Variants in MSH3 observed in about 807,000 individuals in gnomAD.
MSH3 encodes the protein DNA mismatch repair protein Msh3.
In MSH3, 106 loss-of-function variants were observed where a neutral mutation model predicts 123.3. The observed-to-expected ratio is 0.86, with a 90% CI of 0.73 to 1.01. MSH3 has a LOEUF of 1.01. Among genes scored for constraint, MSH3 ranks in the 50% least tolerant of loss-of-function variants. MSH3 has a pLI of 0.00. For synonymous variants in MSH3, 515 were observed against 481.4 expected (o/e 1.07, Z -0.91); for missense variants, 1,459 against 1,347.6 (o/e 1.08, Z -1.29).
In MSH3 at chr5:80,780,858, A is replaced by G. The variant is rs6877470; in HGVS notation, c.2435+2022A>G. Among the ~76,000 whole-genome samples, 945 of 152,030 alleles carry G rather than the reference A, an allele frequency of 6.2e-3. 8 individuals are homozygous for G. The highest frequency in any genetic ancestry group is 0.022 in the African/African-American group (910 of 41,472). On this transcript the variant is annotated intron_variant, in intron 17 of 23. Transcript: ENST00000265081. ...ACTCCAGCCTGGGCAACAGAGCGTG[A>G]CTGTCTCAAATAAATAAATAAAACC...
chr5:80,765,493 C>T (rs1372635627), intron 13 of MSH3, among the ~76,000 whole-genome samples: 1 of 152,102 alleles, frequency 6.6e-6, no homozygotes, highest in Non-Finnish European at 1.5e-5. Flanking sequence ...GCATAATTCA[C>T]CCTTTGTGGT....
chr5:80,785,157 T>G (rs992997606), intron 17 of MSH3, among the ~76,000 whole-genome samples: 5 of 152,208 alleles, frequency 3.3e-5, no homozygotes, highest in African/African-American at 1.2e-4. Flanking sequence ...TCAACATTTC[T>G]GAAACCCACA....
intron 8 of MSH3, among the ~76,000 whole-genome samples, chr5:80,683,999 T>C (rs781557704): frequency 1.3e-5 from 2 of 152,182 alleles, no homozygotes; most frequent in Admixed American, 6.5e-5. Context: ...ACTGTAGATG[T>C]ATGGATTTAT....
intron 17 of MSH3, among the ~76,000 whole-genome samples, chr5:80,784,312 C>T (rs1744466139): frequency 6.6e-6 from 1 of 151,052 alleles, no homozygotes; most frequent in Non-Finnish European, 1.5e-5. Context: ...TGGGCACCCA[C>T]TCGGGTTTAG....
intron 8 of MSH3, among the ~76,000 whole-genome samples, chr5:80,718,295 A>G (rs1041066010): frequency 6.6e-6 from 1 of 152,168 alleles, no homozygotes; most frequent in Non-Finnish European, 1.5e-5. Context: ...TAAAATTTAT[A>G]TTTTTAGAGA....
chr5:80,716,539 A>G (rs999967933), intron 8 of MSH3, among the ~76,000 whole-genome samples: 1 of 152,034 alleles, frequency 6.6e-6, no homozygotes, highest in Non-Finnish European at 1.5e-5. Flanking sequence ...AGCTGTGATT[A>G]CGGGTGTGAG....
rs183774059 is a variant in MSH3, at chr5:80,686,262, A to G, written c.1340+7169A>G. Among the ~76,000 whole-genome samples, 517 of 152,214 alleles carry G rather than the reference A, an allele frequency of 3.4e-3. 1 individual carries two copies. Among genetic ancestry groups the G allele is most frequent in the Middle Eastern group, 6.8e-3 (2 of 294 alleles). ...ATTTTCTGTCTGGAAGATCTGTCCA[A>G]TGATGAAAGTGGGGTGTTGAAGTAT... On this transcript the variant is annotated intron_variant, in intron 8 of 23. Coordinates refer to ENST00000265081, the MANE Select transcript of MSH3 (RefSeq NM_002439.5).
At chr5:80,757,014 C>T (rs1012933962) in intron 12 of MSH3, among the ~76,000 whole-genome samples, 9 of 152,060 alleles carry the variant, frequency 5.9e-5, no homozygotes, top group Non-Finnish European at 8.8e-5. Flanking sequence ...TTCAGTAAAA[C>T]GAAACCAAAC....
At chr5:80,674,239 A>G (rs1749785265) in intron 6 of MSH3, among the ~76,000 whole-genome samples, 1 of 152,120 alleles carries the variant, frequency 6.6e-6, no homozygotes, top group African/African-American at 2.4e-5. Context: ...TGATGTCCAA[A>G]GATATGTCCA....
At position 80,678,950 on chromosome 5, in the gene MSH3, G is replaced by A; in HGVS notation, c.1197G>A (p.Glu399=). 2 of 1,614,134 alleles carry A rather than the reference G, an allele frequency of 1.2e-6. No individual in the cohort carries two copies. The highest frequency in any genetic ancestry group is 4.5e-5 in the East Asian group (2 of 44,878). Residue 399 remains glutamate, a synonymous_variant, in exon 8 of 24, where the codon GAG becomes GAA. Transcript: ENST00000265081. The part of the protein sequence containing the change: ...GIVGVQPATG[E]VVFDSFQDSA... ...AGGGAGTGCAGCCTGCCACAGGCGA[G>A]GTTGTGTTTGATAGTTTCCAGGACT...
At chr5:80,818,402 C>CAAAAAAAAAAAAAAAAAAAAAAAA (rs71603566) in intron 20 of MSH3, among the ~76,000 whole-genome samples, 1 of 63,788 alleles carries the variant, frequency 1.6e-5, no homozygotes, top group Non-Finnish European at 2.7e-5. Flanking sequence ...ATAGCAATGA[C>CAAAAAAAAAAAAAAAAAAAAAAAA]AAAAAAAAAA....
chr5:80,676,439 A>C lies in MSH3; in HGVS notation c.1173+1311A>C, dbSNP rs191862908. 3.8e-4 allele frequency among the ~76,000 whole-genome samples: 58 copies of C among 152,358 alleles called. No homozygotes were observed. In the East Asian group the frequency reaches 0.011, roughly 28 times the overall value. ...AGACTTTTTAAGGCCCTTCAGAACAATCAGACACCCCTTTTCTGTTGTAAG... is the reference window on the plus strand; with the variant it reads ...AGACTTTTTAAGGCCCTTCAGAACACTCAGACACCCCTTTTCTGTTGTAAG... On this transcript the variant is annotated intron_variant, in intron 7 of 23. Transcript: ENST00000265081.
chr5:80,655,576 A>G (rs997959078), intron 1 of MSH3: 5 of 186,430 alleles, frequency 2.7e-5, no homozygotes, highest in East Asian at 8.6e-5. Context: ...CTTCAACGCA[A>G]TAAGTACGTT....
intron 8 of MSH3, among the ~76,000 whole-genome samples, chr5:80,682,711 C>T (rs1749999072): frequency 6.6e-6 from 1 of 152,174 alleles, no homozygotes; most frequent in Non-Finnish European, 1.5e-5. Flanking sequence ...AAGCATTTAT[C>T]CTTTGTGTTA....
At chr5:80,686,196 T>A (rs1750084957) in intron 8 of MSH3, among the ~76,000 whole-genome samples, 1 of 152,202 alleles carries the variant, frequency 6.6e-6, no homozygotes, top group Admixed American at 6.5e-5. Context: ...ATTAGGATCA[T>A]TTGGTCTGTA....
At chr5:80,875,277 C>G (rs1362963090) in intron 23 of MSH3, among the ~76,000 whole-genome samples, 4 of 152,110 alleles carry the variant, frequency 2.6e-5, no homozygotes, top group Admixed American at 6.5e-5. Context: ...TACTCTAGCT[C>G]CATACCCTAA....
At chr5:80,811,274 C>A (rs1164701653) in intron 19 of MSH3, among the ~76,000 whole-genome samples, 1 of 151,960 alleles carries the variant, frequency 6.6e-6, no homozygotes, top group Non-Finnish European at 1.5e-5. Flanking sequence ...TTTCCCTCTC[C>A]TGCCCATTTG....
intron 8 of MSH3, among the ~76,000 whole-genome samples, chr5:80,697,188 G>C (rs1750501916): frequency 6.6e-6 from 1 of 152,100 alleles, no homozygotes; most frequent in African/African-American, 2.4e-5. Context: ...AAAATTAAAA[G>C]TATTTGAAGG....
chr5:80,689,188 A>C (rs1201113158), intron 8 of MSH3, among the ~76,000 whole-genome samples: 1 of 152,192 alleles, frequency 6.6e-6, no homozygotes, highest in Non-Finnish European at 1.5e-5. Flanking sequence ...AGAGCTGTTC[A>C]GTGAGTATTT....
Sources: allele counts gnomAD v4.1 joint callset (sites outside exome capture counted in the v4.1 genomes callset), GRCh38; gene constraint gnomAD v4.1.1; transcripts MANE v1.5; gene names NCBI Gene and HGNC (gene_info 2026-07-23, HGNC 2026-07-21).